Variants in LMO3 observed in about 807,000 individuals in gnomAD.
LMO3 encodes LIM domain only protein 3.
Under a neutral mutation model 15.8 loss-of-function variants are expected in LMO3, and 2 were observed. The ratio of observed to expected loss-of-function variants is 0.13; its 90% CI spans 0.05 to 0.40. The LOEUF is 0.40. LMO3 is among the 10% of genes least tolerant of loss of function. LMO3 has a pLI of 0.99. For synonymous variants in LMO3, 62 were observed against 63.8 expected (o/e 0.97, Z 0.13); for missense variants, 86 against 182.2 (o/e 0.47, Z 3.04).
upstream of LMO3, chr12:16,609,661 G>C (rs1440661826): frequency 6.6e-6 from 1 of 152,142 alleles, no homozygotes; most frequent in East Asian, 1.9e-4. Context: ...CTTGATGAGG[G>C]GAAAAGGGGA....
chr12:16,571,032 A>ATAAT, intron 2 of LMO3, among the ~76,000 whole-genome samples: 1 of 152,212 alleles, frequency 6.6e-6, no homozygotes, highest in East Asian at 1.9e-4. Context: ...TTAAAGTATA[A>ATAAT]TAATAATAAA....
rs1375330675 is a variant in LMO3 at position 16,576,372 on chromosome 12, C to T, written c.207-15834G>A. On this transcript the variant is annotated intron_variant, in intron 2 of 3. Transcript: ENST00000537304. The surrounding 1 kb of genome is among the most constrained non-coding windows in gnomAD (Gnocchi z 4.1). Reference sequence around the variant, plus strand: ...CCTGGACTCAGCATCTACTTTCACACCTGATGTCCTACCACTCCTGCCTGC... The same window carrying T: ...CCTGGACTCAGCATCTACTTTCACATCTGATGTCCTACCACTCCTGCCTGC... 6.6e-6 allele frequency among the ~76,000 whole-genome samples: 1 copy of T among 152,194 alleles called. No homozygotes were observed. Among genetic ancestry groups the T allele is most frequent in the Non-Finnish European group, 1.5e-5 (1 of 68,028 alleles).
At chr12:16,572,081 T>G (rs987359020) in intron 2 of LMO3, among the ~76,000 whole-genome samples, 26 of 151,888 alleles carry the variant, frequency 1.7e-4, no homozygotes, top group Non-Finnish European at 2.1e-4. Flanking sequence ...AGGAAAGAGA[T>G]TCAAAAAGAC....
At chr12:16,562,246 T>A (rs983531704) in intron 2 of LMO3, among the ~76,000 whole-genome samples, 2 of 152,188 alleles carry the variant, frequency 1.3e-5, no homozygotes, top group African/African-American at 4.8e-5. Flanking sequence ...CATGATCTGC[T>A]TAGGAGATCT....
chr12:16,595,742 T>A (rs1362509575), intron 2 of LMO3, among the ~76,000 whole-genome samples: 4 of 151,386 alleles, frequency 2.6e-5, no homozygotes. Context: ...AACTTAGACA[T>A]TCAAACATAA....
At chr12:16,563,273 A>C (rs79095450) in intron 2 of LMO3, among the ~76,000 whole-genome samples, 2 of 152,120 alleles carry the variant, frequency 1.3e-5, no homozygotes, top group African/African-American at 4.8e-5. Context: ...TTGTCCAAGG[A>C]TCAAGAGATC....
intron 3 of LMO3, among the ~76,000 whole-genome samples, chr12:16,557,201 GA>G (rs1379365428): frequency 2.6e-5 from 4 of 151,968 alleles, no homozygotes; most frequent in African/African-American, 7.2e-5. Context: ...TTTCTATGTA[GA>G]ACATGGATAA....
chr12:16,560,940 C>CTACT lies in LMO3; in HGVS notation c.207-406_207-403dup, dbSNP rs1942382022. On this transcript the variant is annotated intron_variant, in intron 2 of 3. Transcript: ENST00000537304. This position sits in a 1 kb window ranked among gnomAD's most constrained non-coding sequence, Gnocchi z 5.0. ...AAGGAACCAACTAATGAATGATTCA[C>CTACT]TACTTTTTGACATTTAGTTACTAAA... Among the ~76,000 whole-genome samples, 2 of 152,218 alleles carry CTACT rather than the reference C, an allele frequency of 1.3e-5. No homozygotes were observed. The highest frequency in any genetic ancestry group is 2.9e-5 in the Non-Finnish European group (2 of 68,004).
chr12:16,605,678 A>G (rs368668165), intron 1 of LMO3: 13 of 1,285,810 alleles, frequency 1.0e-5, no homozygotes, highest in Non-Finnish European at 1.4e-5. Flanking sequence ...CTAATTCCAA[A>G]CTCTCCCTGC....
intron 2 of LMO3, among the ~76,000 whole-genome samples, chr12:16,595,729 A>G (rs1316994386): frequency 6.6e-6 from 1 of 151,488 alleles, no homozygotes; most frequent in Non-Finnish European, 1.5e-5. Context: ...TAATACTAAA[A>G]TTAACTTAGA....
intron 2 of LMO3, chr12:16,574,088 G>C (rs1411389862): frequency 6.6e-6 from 1 of 151,880 alleles, no homozygotes. Flanking sequence ...GATCCCTTTG[G>C]AAAACCAACC....
intron 3 of LMO3, among the ~76,000 whole-genome samples, chr12:16,551,606 T>TA (rs1168548872): frequency 1.3e-5 from 2 of 151,274 alleles, no homozygotes; most frequent in Non-Finnish European, 3.0e-5. Context: ...TTTTTTTTTT[T>TA]AAACCACACT....
intron 2 of LMO3, among the ~76,000 whole-genome samples, chr12:16,570,233 A>T (rs1165759257): frequency 6.6e-6 from 1 of 152,136 alleles, no homozygotes; most frequent in African/African-American, 2.4e-5. Flanking sequence ...CTTTTTATGT[A>T]AGTAATACTT....
In LMO3 at chr12:16,593,690, C is replaced by T. The variant is rs1291061611; in HGVS notation, c.206+6965G>A. On this transcript the variant is annotated intron_variant, in intron 2 of 3. Transcript: ENST00000537304. This position sits in a 1 kb window ranked among gnomAD's most constrained non-coding sequence, Gnocchi z 4.2. ...TTGGCTTCTATAATAAGAGGATATG[C>T]TTAGGTCCTAATTCCTTTAGAGAAA... is the stretch of plus-strand genomic sequence containing the variant. Among the ~76,000 whole-genome samples, 5 of 151,618 alleles carry T rather than the reference C, an allele frequency of 3.3e-5. No individual in the cohort carries two copies. Among genetic ancestry groups the T allele is most frequent in the Non-Finnish European group, 7.4e-5 (5 of 67,726 alleles).
chr12:16,596,321 C>T lies in LMO3; in HGVS notation c.206+4334G>A, dbSNP rs368967459. 2.0e-5 allele frequency among the ~76,000 whole-genome samples: 3 copies of T among 151,674 alleles called. No individual in the cohort carries two copies. Among genetic ancestry groups the T allele is most frequent in the Admixed American group, 1.3e-4 (2 of 15,200 alleles). ...TTTCATTTTAAACAAATCATCCTCACGTATAAAAATAGCAAATTGCATTAA... is the reference window on the plus strand; with the variant it reads ...TTTCATTTTAAACAAATCATCCTCATGTATAAAAATAGCAAATTGCATTAA... On this transcript the variant is annotated intron_variant, in intron 2 of 3. Coordinates refer to ENST00000537304, the MANE Select transcript of LMO3 (RefSeq NM_018640.5). The surrounding 1 kb of genome is among the most constrained non-coding windows in gnomAD (Gnocchi z 4.3).
chr12:16,555,323 T>G lies in LMO3; in HGVS notation c.333-3996A>C, dbSNP rs575242864. 5.9e-5 allele frequency among the ~76,000 whole-genome samples: 9 copies of G among 152,232 alleles called. No individual in the cohort carries two copies. The South Asian group carries it at 6.2e-4, about 10-fold the overall frequency. On this transcript the variant is annotated intron_variant, in intron 3 of 3. Transcript: ENST00000537304. The surrounding 1 kb of genome is among the most constrained non-coding windows in gnomAD (Gnocchi z 5.5). ...TCTGACCATGTAAATTTGCTTATTC[T>G]GATGTTTCCCAAAGCACTTATTTAT...
upstream of LMO3, chr12:16,609,081 G>T (rs181131034): frequency 6.6e-6 from 1 of 152,204 alleles, no homozygotes; most frequent in East Asian, 1.9e-4. Context: ...ATAATCATAT[G>T]AATTATTCAC....
At chr12:16,554,991 T>TCTAA (rs1942141227) in intron 3 of LMO3, among the ~76,000 whole-genome samples, 1 of 152,216 alleles carries the variant, frequency 6.6e-6, no homozygotes, top group Non-Finnish European at 1.5e-5. Flanking sequence ...ACCACTTTCT[T>TCTAA]CTAACTGTAA....
intron 3 of LMO3, among the ~76,000 whole-genome samples, chr12:16,557,994 TATATATC>T (rs1257807944): frequency 6.6e-6 from 1 of 152,056 alleles, no homozygotes; most frequent in African/African-American, 2.4e-5. Context: ...AGATACAACT[TATATATC>T]TGATGATAGA....
Sources: allele counts gnomAD v4.1 joint callset (sites outside exome capture counted in the v4.1 genomes callset), GRCh38; gene constraint gnomAD v4.1.1; non-coding constraint Gnocchi (gnomAD v3.1); transcripts MANE v1.5; gene names NCBI Gene and HGNC (gene_info 2026-07-23, HGNC 2026-07-21).